Variants in ASTN1 observed in about 807,000 individuals in gnomAD.
ASTN1 encodes the protein astrotactin-1.
ASTN1 carries 41 observed loss-of-function variants against 140.7 expected under a neutral mutation model. The ratio of observed to expected loss-of-function variants is 0.29; its 90% CI spans 0.23 to 0.38. The LOEUF is 0.38. Ranked by LOEUF, ASTN1 falls within the 10% of genes least tolerant of loss-of-function variation. The probability of loss-of-function intolerance (pLI) is 1.00; values close to 1 mark genes in which losing one functional copy is unlikely to be tolerated. For synonymous variants in ASTN1, 640 were observed against 652.2 expected, an observed-to-expected ratio of 0.98 and a Z score of 0.29; for missense variants, 1,479 against 1,678.8, an observed-to-expected ratio of 0.88 and a Z score of 2.08.
intron 18 of ASTN1, 24 bp from the exon 19 acceptor site, chr1:176,884,514 T>C: frequency 1.3e-5 from 21 of 1,588,480 alleles, no homozygotes; most frequent in Middle Eastern, 2.0e-4. Flanking sequence ...GGAAGGAACA[T>C]GAAACAGGGA....
intron 8 of ASTN1, among the ~76,000 whole-genome samples, chr1:177,007,101 T>C (rs1675037235): frequency 6.6e-6 from 1 of 152,112 alleles, no homozygotes; most frequent in African/African-American, 2.4e-5. Flanking sequence ...CTTTCCCAAT[T>C]AATAAAAGGT....
intron 9 of ASTN1, among the ~76,000 whole-genome samples, chr1:176,963,937 C>T: frequency 6.6e-6 from 1 of 152,206 alleles, no homozygotes; most frequent in East Asian, 1.9e-4. Context: ...ACGCCATTAG[C>T]TTCCCTGGGA....
chr1:176,946,271 T>C (rs1671955865), intron 12 of ASTN1, 151 bp from the exon 13 acceptor site: 2 of 810,098 alleles, frequency 2.5e-6, no homozygotes, highest in Non-Finnish European at 1.8e-6. Context: ...TGATTTTGAC[T>C]CATTGTTTTT....
intron 17 of ASTN1, among the ~76,000 whole-genome samples, chr1:176,889,462 G>T (rs941216692): frequency 4.6e-5 from 7 of 151,840 alleles, no homozygotes; most frequent in Non-Finnish European, 7.4e-5. Flanking sequence ...TTAGACCAAA[G>T]AATTCAAAAG....
chr1:177,042,393 T>A (rs563980802), intron 2 of ASTN1, among the ~76,000 whole-genome samples: 1 of 152,304 alleles, frequency 6.6e-6, no homozygotes, highest in African/African-American at 2.4e-5. Flanking sequence ...AGCTGATGGT[T>A]AGTTTTGTGA....
intron 1 of ASTN1, among the ~76,000 whole-genome samples, chr1:177,124,057 G>A (rs1242319272): frequency 6.6e-6 from 1 of 152,114 alleles, no homozygotes; most frequent in Non-Finnish European, 1.5e-5. Flanking sequence ...GATTATCACA[G>A]GGCTTAGGAG....
intron 8 of ASTN1, among the ~76,000 whole-genome samples, chr1:177,005,109 C>A (rs1443187372): frequency 6.6e-6 from 1 of 151,862 alleles, no homozygotes; most frequent in South Asian, 2.1e-4. Flanking sequence ...GGACTAATAT[C>A]CAAAATCTAC....
At chr1:176,963,373 G>A (rs1672748030) in intron 9 of ASTN1, among the ~76,000 whole-genome samples, 1 of 152,176 alleles carries the variant, frequency 6.6e-6, no homozygotes, top group South Asian at 2.1e-4. Context: ...AGATGCCAGA[G>A]TGGTTTCTAT....
intron 1 of ASTN1, among the ~76,000 whole-genome samples, chr1:177,143,977 T>C (rs1468281409): frequency 2.6e-5 from 4 of 152,108 alleles, no homozygotes; most frequent in African/African-American, 9.7e-5. Context: ...AAATAATAAA[T>C]TACCATTTAT....
intron 1 of ASTN1, among the ~76,000 whole-genome samples, chr1:177,161,080 A>C (rs1207891437): frequency 6.6e-6 from 1 of 152,216 alleles, no homozygotes; most frequent in Non-Finnish European, 1.5e-5. Flanking sequence ...AGAGAAAAGG[A>C]GATATTGACT....
Position 177,061,280 on chromosome 1 carries a change from C to A in ASTN1, c.284-15G>T. 6.7e-7 allele frequency: 1 copy of A among 1,491,748 alleles called. No individual in the cohort carries two copies. The highest frequency in any genetic ancestry group is 9.0e-7 in the Non-Finnish European group (1 of 1,115,458). 92.4% of individuals were successfully genotyped at this position (1,491,748 alleles called of 1,614,324 possible). A position where few individuals can be genotyped will look rare whatever the true frequency, so the allele number is the denominator to read the frequency against. On this transcript the variant is annotated splice_polypyrimidine_tract_variant and intron_variant, in intron 1 of 22. Transcript: ENST00000361833. Reference sequence around the variant, plus strand: ...CCCTGAGATCTCTAGAAGATGAACACCAAAGGCACAGGTGAGAATTAGGAT... The same window carrying A: ...CCCTGAGATCTCTAGAAGATGAACAACAAAGGCACAGGTGAGAATTAGGAT...
intron 16 of ASTN1, among the ~76,000 whole-genome samples, chr1:176,910,811 A>T (rs1174042735): frequency 6.6e-6 from 1 of 152,154 alleles, no homozygotes; most frequent in Non-Finnish European, 1.5e-5. Context: ...TGAACACCTG[A>T]GCTCCACCTC....
chr1:177,027,586 T>C (rs570249615), intron 5 of ASTN1, among the ~76,000 whole-genome samples: 2 of 151,066 alleles, frequency 1.3e-5, no homozygotes, highest in South Asian at 2.1e-4. Context: ...AGCTGCCATA[T>C]TGAACGACTT....
At chr1:177,080,678 T>C (rs751085195) in intron 1 of ASTN1, among the ~76,000 whole-genome samples, 2 of 152,222 alleles carry the variant, frequency 1.3e-5, no homozygotes, top group African/African-American at 2.4e-5. Flanking sequence ...GAATTTCTTT[T>C]AGTGAAACTT....
At chr1:176,872,017 G>C (rs1369745927) in intron 21 of ASTN1, among the ~76,000 whole-genome samples, 1 of 152,136 alleles carries the variant, frequency 6.6e-6, no homozygotes, top group Non-Finnish European at 1.5e-5. Context: ...GGCTGAGACT[G>C]AGGCTCTCAG....
Position 176,861,258 on chromosome 1 carries a change from A to G in ASTN1, c.*3026T>C. On this transcript the variant is annotated 3_prime_UTR_variant, in exon 23 of 23. Transcript: ENST00000361833. ...AGAACATTTGAATATCAAGAAGTGT[A>G]GTTAACTAAAAAATAATGAACGGAC... The G allele has an allele frequency of 1.0e-6, 1 of 983,480 alleles. No individual in the cohort carries two copies. Among genetic ancestry groups the G allele is most frequent in the African/African-American group, 1.7e-5 (1 of 57,294 alleles). 60.9% of individuals were successfully genotyped at this position (983,480 alleles called of 1,614,324 possible).
chr1:177,016,275 C>G lies in ASTN1; in HGVS notation c.1439-1400G>C, dbSNP rs1369332187. On this transcript the variant is annotated intron_variant, in intron 7 of 22. Coordinates refer to ENST00000361833, the MANE Select transcript of ASTN1 (RefSeq NM_004319.3). ...TTTTGTCCCCCACAGCAGTTCAGCT[C>G]AATGTTCTGAGAAGTAGAGTGAAAA... Among the ~76,000 whole-genome samples, 6 of 139,366 alleles carry G rather than the reference C, an allele frequency of 4.3e-5. No homozygotes were observed. The Admixed American group carries it at 4.5e-4, about 10-fold the overall frequency. 91.4% of individuals were successfully genotyped at this position (139,366 alleles called of 152,430 possible). A position where few individuals can be genotyped will look rare whatever the true frequency, so the allele number is the denominator to read the frequency against.
At chr1:177,098,291 G>T (rs1256399339) in intron 1 of ASTN1, among the ~76,000 whole-genome samples, 1 of 145,614 alleles carries the variant, frequency 6.9e-6, no homozygotes, top group Non-Finnish European at 1.5e-5. Context: ...TTGGCCAATT[G>T]GTTGTTGGCG....
chr1:177,132,015 G>A (rs1681966821), intron 1 of ASTN1, among the ~76,000 whole-genome samples: 2 of 152,122 alleles, frequency 1.3e-5, no homozygotes, highest in South Asian at 4.1e-4. Context: ...TCCCAACATT[G>A]CCACATTCAG....
Sources: allele counts gnomAD v4.1 joint callset (sites outside exome capture counted in the v4.1 genomes callset), GRCh38; gene constraint gnomAD v4.1.1; transcripts MANE v1.5; gene names NCBI Gene and HGNC (gene_info 2026-07-23, HGNC 2026-07-21).